The following EPHB1 variants were observed in gnomAD, a reference collection of about 807,000 sequenced individuals.
EPHB1 encodes ephrin type-B receptor 1.
A neutral mutation model predicts 94.4 loss-of-function variants in EPHB1; 30 were observed. That is an observed-to-expected ratio of 0.32 (90% CI 0.24 to 0.43). The LOEUF (loss-of-function observed/expected upper bound fraction) is 0.43. Ranked by LOEUF, EPHB1 falls within the 20% of genes least tolerant of loss-of-function variation. The pLI, the probability that EPHB1 is intolerant of heterozygous loss-of-function variation, is 1.00. For missense variants in EPHB1, 1,055 were observed against 1,308.3 expected, an observed-to-expected ratio of 0.81 and a Z score of 2.99; for synonymous variants, 522 against 489.1, an observed-to-expected ratio of 1.07 and a Z score of -0.89.
At position 135,090,290 on chromosome 3, in the gene EPHB1, C is replaced by G. The variant is rs77536052; in HGVS notation, c.806-16158C>G. ...ATTCCAGAACCTGCAAGCCCCACTT[C>G]TCTTTCCAAAGTCTGCATCAGAGTT... On this transcript the variant is annotated intron_variant, in intron 3 of 15. Transcript: ENST00000398015. Among the ~76,000 whole-genome samples the G allele has an allele frequency of 1.5e-4, 23 of 152,346 alleles. No homozygotes were observed. The East Asian group carries it at 3.5e-3, about 23-fold the overall frequency.
At chr3:135,153,311 C>T (rs1941250224) in intron 5 of EPHB1, among the ~76,000 whole-genome samples, 1 of 152,174 alleles carries the variant, frequency 6.6e-6, no homozygotes, top group African/African-American at 2.4e-5. Context: ...AAGCCTCATC[C>T]ATTACCCACC....
At chr3:135,183,037 TC>T (rs58249475) in intron 10 of EPHB1, among the ~76,000 whole-genome samples, 1 of 73,712 alleles carries the variant, frequency 1.4e-5, no homozygotes, top group Non-Finnish European at 2.8e-5. Flanking sequence ...TTTCTTTCTT[TC>T]TTTCTTTCTT....
chr3:135,180,543 C>A (rs1477618018), intron 10 of EPHB1, among the ~76,000 whole-genome samples: 1 of 152,110 alleles, frequency 6.6e-6, no homozygotes, highest in Non-Finnish European at 1.5e-5. Context: ...CAGCTGGTAA[C>A]AACACAAGAC....
chr3:135,232,176 C>A (rs1292144194), intron 12 of EPHB1, among the ~76,000 whole-genome samples: 1 of 152,204 alleles, frequency 6.6e-6, no homozygotes, highest in Non-Finnish European at 1.5e-5. Flanking sequence ...TGAGTCTTGT[C>A]TGGAAAAATA....
intron 1 of EPHB1, among the ~76,000 whole-genome samples, chr3:134,851,142 A>C (rs1347159465): frequency 1.3e-5 from 2 of 152,198 alleles, no homozygotes; most frequent in African/African-American, 4.8e-5. Context: ...GAAAGGCTGG[A>C]GTTCTCAGGG....
chr3:135,179,503 ACTTTT>A (rs1229048958), intron 9 of EPHB1, among the ~76,000 whole-genome samples: 2 of 152,052 alleles, frequency 1.3e-5, no homozygotes, highest in East Asian at 3.8e-4. Context: ...TTTTACCACC[ACTTTT>A]CTGCTAATGC....
At chr3:135,059,414 A>G (rs1937432836) in intron 3 of EPHB1, among the ~76,000 whole-genome samples, 1 of 152,148 alleles carries the variant, frequency 6.6e-6, no homozygotes. Context: ...AAGGTCTTCC[A>G]ATTTGCCATT....
chr3:135,028,558 G>A (rs1165182975), intron 3 of EPHB1, among the ~76,000 whole-genome samples: 7 of 145,812 alleles, frequency 4.8e-5, no homozygotes, highest in Non-Finnish European at 1.1e-4. Context: ...TTAATCCTGA[G>A]TTCTAGTTTG....
chr3:135,219,736 C>T lies in EPHB1; in HGVS notation c.2346+18047C>T, dbSNP rs527314387. Among the ~76,000 whole-genome samples, 64 of 152,198 alleles carry T rather than the reference C, an allele frequency of 4.2e-4. 1 individual carries two copies. Among genetic ancestry groups the T allele is most frequent in the Non-Finnish European group, 1.8e-4 (12 of 68,036 alleles). On this transcript the variant is annotated intron_variant, in intron 12 of 15. Coordinates refer to ENST00000398015, the MANE Select transcript of EPHB1 (RefSeq NM_004441.5). ...AGATGTTAAATAACAGGGACTCCTC[C>T]GGTTTCTAAAGCCCTGATCAGCCTT...
chr3:134,882,761 C>CTTTCTTTCTTTCTTTCTTTCT (rs59448814), intron 1 of EPHB1, among the ~76,000 whole-genome samples: 2 of 31,262 alleles, frequency 6.4e-5, no homozygotes, highest in African/African-American at 1.4e-4. Flanking sequence ...TTTCTTCCTT[C>CTTTCTTTCTTTCTTTCTTTCT]CTTCCTTTCT....
At chr3:134,882,333 C>A (rs1238357982) in intron 1 of EPHB1, among the ~76,000 whole-genome samples, 1 of 152,182 alleles carries the variant, frequency 6.6e-6, no homozygotes, top group Admixed American at 6.5e-5. Flanking sequence ...TCTTCGTTAA[C>A]CAGTGGGGAT....
intron 3 of EPHB1, among the ~76,000 whole-genome samples, chr3:134,956,271 A>T (rs1933267575): frequency 6.6e-6 from 1 of 152,056 alleles, no homozygotes; most frequent in Non-Finnish European, 1.5e-5. Flanking sequence ...TCCTAGCTGG[A>T]GCACTATGCA....
At chr3:134,849,042 A>G (rs920194537) in intron 1 of EPHB1, among the ~76,000 whole-genome samples, 9 of 152,240 alleles carry the variant, frequency 5.9e-5, no homozygotes, top group Admixed American at 5.9e-4. Flanking sequence ...TGAGTTTCAG[A>G]TGAACAGGAG....
At chr3:134,936,379 A>C (rs1195736957) in intron 2 of EPHB1, among the ~76,000 whole-genome samples, 1 of 152,170 alleles carries the variant, frequency 6.6e-6, no homozygotes, top group African/African-American at 2.4e-5. Flanking sequence ...CCTCAAGAGA[A>C]TACAGGTGGT....
chr3:135,136,058 T>A (rs941259879), intron 5 of EPHB1, among the ~76,000 whole-genome samples: 1 of 152,200 alleles, frequency 6.6e-6, no homozygotes, highest in African/African-American at 2.4e-5. Flanking sequence ...GAATCTAGGA[T>A]TAGAAAGAGA....
intron 3 of EPHB1, among the ~76,000 whole-genome samples, chr3:135,090,343 T>A (rs1346197466): frequency 1.3e-5 from 2 of 152,208 alleles, no homozygotes; most frequent in African/African-American, 2.4e-5. Context: ...AAGTCGCAGG[T>A]CAGACAAAAT....
intron 3 of EPHB1, among the ~76,000 whole-genome samples, chr3:135,043,997 G>A (rs755701842): frequency 2.0e-5 from 3 of 152,196 alleles, no homozygotes; most frequent in Non-Finnish European, 4.4e-5. Flanking sequence ...AGAACAAATA[G>A]GACAGGCACT....
intron 9 of EPHB1, among the ~76,000 whole-genome samples, chr3:135,168,968 G>A (rs1941730307): frequency 6.6e-6 from 1 of 152,176 alleles, no homozygotes; most frequent in South Asian, 2.1e-4. Flanking sequence ...TTCACTCCTT[G>A]GCTGGGGTAT....
At chr3:135,184,479 G>A (rs539430914) in intron 10 of EPHB1, among the ~76,000 whole-genome samples, 1 of 152,260 alleles carries the variant, frequency 6.6e-6, no homozygotes, top group South Asian at 2.1e-4. Context: ...TCCTCACAAG[G>A]CTCAAAGTTC....
Sources: gnomAD v4.1 joint callset for allele counts (sites outside exome capture counted in the v4.1 genomes callset) on GRCh38, gnomAD v4.1.1 for gene constraint, MANE v1.5 for transcripts, NCBI Gene and HGNC (gene_info 2026-07-23, HGNC 2026-07-21) for gene names.